The following NRXN3 variants were observed in gnomAD, a reference collection of about 807,000 sequenced individuals.
NRXN3 encodes the protein neurexin III.
In NRXN3, 32 loss-of-function variants were observed where a neutral mutation model predicts 137.6. That is an observed-to-expected ratio of 0.23 (90% CI 0.18 to 0.31). NRXN3 has a LOEUF of 0.31. Among genes scored for constraint, NRXN3 ranks in the 10% least tolerant of loss-of-function variants. The pLI is 1.00. For missense variants in NRXN3, 1,574 were observed against 2,062.5 expected, an observed-to-expected ratio of 0.76 and a Z score of 4.59; for synonymous variants, 798 against 784.5, an observed-to-expected ratio of 1.02 and a Z score of -0.29.
intron 4 of NRXN3, among the ~76,000 whole-genome samples, chr14:78,425,272 G>A (rs1598501827): frequency 6.6e-6 from 1 of 152,224 alleles, no homozygotes; most frequent in Non-Finnish European, 1.5e-5. Flanking sequence ...GAGGATAAAA[G>A]AGAAGAGGGA....
chr14:78,781,716 A>G (rs2098770409), intron 8 of NRXN3, among the ~76,000 whole-genome samples: 2 of 152,262 alleles, frequency 1.3e-5, no homozygotes, highest in Admixed American at 1.3e-4. Flanking sequence ...CATAAAGAAT[A>G]AAAATGAAAA....
chr14:78,429,753 CAG>C (rs2153686036), intron 4 of NRXN3, among the ~76,000 whole-genome samples: 1 of 152,314 alleles, frequency 6.6e-6, no homozygotes, highest in East Asian at 1.9e-4. Flanking sequence ...CACAACACCC[CAG>C]AGATGTCTTA....
chr14:78,439,339 C>T (rs919480491), intron 4 of NRXN3, among the ~76,000 whole-genome samples: 1 of 152,158 alleles, frequency 6.6e-6, no homozygotes, highest in African/African-American at 2.4e-5. Context: ...TCTAGGTTGT[C>T]TGTTTAAAAC....
chr14:79,826,567 G>A (rs2099302546), intron 20 of NRXN3, among the ~76,000 whole-genome samples: 1 of 152,162 alleles, frequency 6.6e-6, no homozygotes, highest in Non-Finnish European at 1.5e-5. Context: ...ATAATTCAGT[G>A]TGTATTTCCT....
intron 15 of NRXN3, among the ~76,000 whole-genome samples, chr14:79,373,602 C>T (rs1211369635): frequency 2.6e-5 from 4 of 152,106 alleles, no homozygotes; most frequent in African/African-American, 4.8e-5. Flanking sequence ...CAATAATATA[C>T]GGTTCAGTGG....
At position 79,171,797 on chromosome 14, in the gene NRXN3, A is replaced by C. The variant is rs141231300; in HGVS notation, c.3262+183656A>C. ...TAAGTTCCTGTTTTTTGAGAGAAAG[A>C]AATATTTTGTTTATTTTATTTGTTT... On this transcript the variant is annotated intron_variant, in intron 15 of 20. Transcript: ENST00000335750. Among the ~76,000 whole-genome samples, 10 of 151,996 alleles carry C rather than the reference A, an allele frequency of 6.6e-5. No homozygotes were observed. In the East Asian group the frequency reaches 2.0e-3, roughly 30 times the overall value.
chr14:78,576,260 G>T (rs999995135), intron 4 of NRXN3, among the ~76,000 whole-genome samples: 2 of 152,160 alleles, frequency 1.3e-5, no homozygotes, highest in Non-Finnish European at 2.9e-5. Context: ...CATTTCTGTG[G>T]CATTGGCTTC....
intron 16 of NRXN3, among the ~76,000 whole-genome samples, chr14:79,637,729 C>CTTTTATTTTTTTTTTTTTTTTTTTTT (rs2098411925): frequency 1.0e-5 from 1 of 95,622 alleles, no homozygotes; most frequent in African/African-American, 5.4e-5. Flanking sequence ...TAGAAAAGTT[C>CTTTTATTTTTTTTTTTTTTTTTTTTT]TTTTTTTTTT....
chr14:79,279,082 C>T (rs777435549), intron 15 of NRXN3, among the ~76,000 whole-genome samples: 1 of 152,324 alleles, frequency 6.6e-6, no homozygotes, highest in African/African-American at 2.4e-5. Context: ...AAGAGCAGGG[C>T]ACGGGTGATA....
At chr14:78,321,288 A>T (rs2079333168) in intron 4 of NRXN3, among the ~76,000 whole-genome samples, 4 of 151,950 alleles carry the variant, frequency 2.6e-5, no homozygotes, top group Admixed American at 2.6e-4. Context: ...TCTAATAAAA[A>T]CATTGAAAAA....
intron 4 of NRXN3, among the ~76,000 whole-genome samples, chr14:78,590,015 T>A (rs1020836535): frequency 3.3e-5 from 5 of 152,156 alleles, no homozygotes; most frequent in African/African-American, 1.2e-4. Flanking sequence ...TGGCAACTGC[T>A]GCCAAGTGTC....
chr14:78,825,713 A>G (rs1283779039), intron 10 of NRXN3, among the ~76,000 whole-genome samples: 1 of 152,230 alleles, frequency 6.6e-6, no homozygotes. Flanking sequence ...CGTTTGTAAA[A>G]TGTTTCATAG....
chr14:78,889,580 A>C (rs2099153249), intron 10 of NRXN3, among the ~76,000 whole-genome samples: 1 of 152,044 alleles, frequency 6.6e-6, no homozygotes, highest in African/African-American at 2.4e-5. Flanking sequence ...TTCTAAAATT[A>C]TATGTACATT....
At chr14:78,504,920 C>T (rs916758773) in intron 4 of NRXN3, among the ~76,000 whole-genome samples, 1 of 152,138 alleles carries the variant, frequency 6.6e-6, no homozygotes, top group Non-Finnish European at 1.5e-5. Flanking sequence ...AAGAGGGTCA[C>T]AGCTCTTAGA....
intron 4 of NRXN3, among the ~76,000 whole-genome samples, chr14:78,461,129 A>C (rs909726008): frequency 2.0e-5 from 3 of 152,344 alleles, no homozygotes; most frequent in African/African-American, 7.2e-5. Flanking sequence ...AAATGTTCTA[A>C]TACAGGTCAC....
chr14:79,663,716 G>A (rs2098545307), intron 16 of NRXN3, 62 bp from the exon 17 acceptor site: 1 of 1,493,084 alleles, frequency 6.7e-7, no homozygotes, highest in Middle Eastern at 2.0e-4. Flanking sequence ...GGAGGATCAA[G>A]TTTAAAGGGA....
chr14:78,915,249 A>G (rs2099251593), intron 10 of NRXN3, among the ~76,000 whole-genome samples: 1 of 148,124 alleles, frequency 6.8e-6, no homozygotes, highest in Admixed American at 6.9e-5. Context: ...CTATATATGG[A>G]GTACTGTGTG....
rs1024375525 is a variant in NRXN3, at chr14:78,292,193, G to A, written c.728-5638G>A. Among the ~76,000 whole-genome samples, 3 of 152,312 alleles carry A rather than the reference G, an allele frequency of 2.0e-5. No individual in the cohort carries two copies. The East Asian group carries it at 5.8e-4, about 29-fold the overall frequency. On this transcript the variant is annotated intron_variant, in intron 3 of 20. Coordinates refer to ENST00000335750, the MANE Select transcript of NRXN3 (RefSeq NM_001330195.2). ...GACAGGCTTCATGATGGCCACAGCC[G>A]CTTACAAATGACTTTGCTTTCATAG...
chr14:78,460,958 A>G (rs1422090915), intron 4 of NRXN3, among the ~76,000 whole-genome samples: 1 of 152,184 alleles, frequency 6.6e-6, no homozygotes, highest in African/African-American at 2.4e-5. Context: ...GTAACTGAAG[A>G]TAAGCACCTC....
Sources: gnomAD v4.1 joint callset for allele counts (sites outside exome capture counted in the v4.1 genomes callset) on GRCh38, gnomAD v4.1.1 for gene constraint, MANE v1.5 for transcripts, NCBI Gene and HGNC (gene_info 2026-07-23, HGNC 2026-07-21) for gene names.